Variants in LRRFIP1 observed in about 807,000 individuals in gnomAD.
LRRFIP1 encodes leucine-rich repeat flightless-interacting protein 1.
In LRRFIP1, 62 loss-of-function variants were observed where a neutral mutation model predicts 104.4. That is an observed-to-expected ratio of 0.59 (90% confidence interval 0.48 to 0.73). The LOEUF is 0.73. Ranked by LOEUF, LRRFIP1 falls within the 30% of genes least tolerant of loss-of-function variation. LRRFIP1 has a pLI of 0.00. For missense variants in LRRFIP1, 796 were observed against 824.5 expected, an observed-to-expected ratio of 0.97 and a Z score of 0.42; for synonymous variants, 300 against 299.0, an observed-to-expected ratio of 1.00 and a Z score of -0.03.
chr2:237,733,950 C>G (rs1461507696), intron 9 of LRRFIP1, 132 bp downstream of exon 9: 2 of 911,490 alleles, frequency 2.2e-6, no homozygotes, highest in Admixed American at 4.5e-5. Context: ...GTGGAGCTTA[C>G]ATGTGCCAGT....
intron 22 of LRRFIP1, 94 bp from the exon 23 acceptor site, chr2:237,774,264 T>G (rs570398312): frequency 1.7e-5 from 13 of 748,020 alleles, no homozygotes; most frequent in African/African-American, 1.6e-4. Flanking sequence ...TCTCCCATTT[T>G]ATTAAATCAC....
intron 13 of LRRFIP1, 29 bp downstream of exon 13, chr2:237,749,353 T>C (rs1401328290): frequency 6.2e-7 from 1 of 1,609,842 alleles, no homozygotes; most frequent in Admixed American, 1.7e-5. Context: ...ACTGACAACT[T>C]GAGAGAACCT....
rs994023452 is a variant in LRRFIP1, at chr2:237,685,108, T to TC, written c.97-23427dup. ...AGTGTGAGACCTTGTCTCCCTACCC[T>TC]CCCCCCCCCACACAAAAAAACCCCA... is the stretch of plus-strand genomic sequence containing the variant. On this transcript the variant is annotated intron_variant, in intron 1 of 23. Transcript: ENST00000308482. Among the ~76,000 whole-genome samples, 70 of 11,364 alleles carry TC rather than the reference T, an allele frequency of 6.2e-3. No individual in the cohort carries two copies. The East Asian group carries it at 0.065, about 11-fold the overall frequency. The allele number at this position is 11,364 out of a possible 152,430, so 7.5% of individuals were successfully genotyped here.
intron 1 of LRRFIP1, among the ~76,000 whole-genome samples, chr2:237,695,488 A>G (rs910283659): frequency 1.3e-5 from 2 of 152,246 alleles, no homozygotes; most frequent in African/African-American, 4.8e-5. Flanking sequence ...GCAATGTCCA[A>G]GAGGAACTTC....
Position 237,719,553 on chromosome 2 carries a change from A to G in LRRFIP1, c.280A>G (p.Arg94Gly), listed in dbSNP as rs139566264. The G allele has an allele frequency of 1.8e-4, 284 of 1,613,492 alleles. No homozygotes were observed. Among genetic ancestry groups the G allele is most frequent in the Non-Finnish European group, 2.2e-4 (259 of 1,179,634 alleles). Residue 94 changes from arginine (R) to glycine (G), a missense_variant, in exon 5 of 24, where the codon AGA becomes GGA. Transcript: ENST00000308482. Reference sequence around the variant, plus strand: ...CAGTGAGCGCTACTCTCGTAGATCCAGAAGAAACACATCGGTTAGTACCGT... The same window carrying G: ...CAGTGAGCGCTACTCTCGTAGATCCGGAAGAAACACATCGGTTAGTACCGT... ...EDSERYSRRS[R>G]RNTSASDEDE... is the part of the protein sequence containing the mutation.
chr2:237,695,391 G>A (rs2093109085), intron 1 of LRRFIP1, among the ~76,000 whole-genome samples: 1 of 152,210 alleles, frequency 6.6e-6, no homozygotes, highest in South Asian at 2.1e-4. Flanking sequence ...GTTGATTGGA[G>A]AGTTACCTGA....
At chr2:237,706,086 C>A (rs1318334538) in intron 1 of LRRFIP1, among the ~76,000 whole-genome samples, 1 of 152,178 alleles carries the variant, frequency 6.6e-6, no homozygotes, top group African/African-American at 2.4e-5. Flanking sequence ...TGGTGTCATC[C>A]ATTATGTCCA....
chr2:237,733,722 G>T, intron 8 of LRRFIP1, 52 bp from the exon 9 acceptor site: 3 of 1,568,630 alleles, frequency 1.9e-6, no homozygotes, highest in Non-Finnish European at 2.6e-6. Context: ...GCTGTCATTT[G>T]TTGCTGTTTT....
chr2:237,675,470 T>G (rs1399647559), intron 1 of LRRFIP1, among the ~76,000 whole-genome samples: 1 of 152,220 alleles, frequency 6.6e-6, no homozygotes, highest in East Asian at 1.9e-4. Context: ...TCCACAGGCT[T>G]CACCAGCCTG....
intron 1 of LRRFIP1, among the ~76,000 whole-genome samples, chr2:237,666,995 C>G (rs1325218630): frequency 6.6e-6 from 1 of 150,562 alleles, no homozygotes; most frequent in Non-Finnish European, 1.5e-5. Flanking sequence ...AAAGCATTTT[C>G]ACAGATAGCT....
intron 3 of LRRFIP1, 113 bp downstream of exon 3, chr2:237,714,389 C>A: frequency 2.4e-6 from 2 of 830,238 alleles, no homozygotes; most frequent in Non-Finnish European, 3.9e-6. Flanking sequence ...GAAGTTCTTA[C>A]TGTTTATTTT....
At chr2:237,736,845 C>T (rs2095264393) in intron 10 of LRRFIP1, among the ~76,000 whole-genome samples, 1 of 152,236 alleles carries the variant, frequency 6.6e-6, no homozygotes, top group Admixed American at 6.5e-5. Context: ...ACCTCCCAAC[C>T]TCTGCCATCG....
At chr2:237,640,889 C>T (rs980875278) in intron 1 of LRRFIP1, among the ~76,000 whole-genome samples, 1 of 152,160 alleles carries the variant, frequency 6.6e-6, no homozygotes, top group African/African-American at 2.4e-5. Flanking sequence ...CCTCTCTTTT[C>T]GCTTGGCCAA....
At chr2:237,774,090 A>C (rs2060885248) in intron 22 of LRRFIP1, 1 of 407,042 alleles carries the variant, frequency 2.5e-6, no homozygotes, top group South Asian at 3.0e-5. Context: ...AGAAGCAGGC[A>C]GCAAGGTGCC....
chr2:237,655,439 C>T (rs867168498), intron 1 of LRRFIP1, among the ~76,000 whole-genome samples: 4 of 145,018 alleles, frequency 2.8e-5, no homozygotes, highest in South Asian at 2.4e-4. Context: ...AAAGAATTTG[C>T]ATTTATAAAA....
intron 20 of LRRFIP1, chr2:237,770,310 TTAAC>T (rs1428764372): frequency 3.6e-5 from 10 of 280,162 alleles, no homozygotes; most frequent in Non-Finnish European, 5.5e-5. Context: ...ATATTAATGA[TTAAC>T]TGTTGAGAGA....
chr2:237,695,172 T>A (rs1286384295), intron 1 of LRRFIP1, among the ~76,000 whole-genome samples: 1 of 152,214 alleles, frequency 6.6e-6, no homozygotes, highest in African/African-American at 2.4e-5. Flanking sequence ...GTAGGTCTTT[T>A]CTAGTAGTAT....
intron 15 of LRRFIP1, among the ~76,000 whole-genome samples, chr2:237,755,448 C>T (rs1295910282): frequency 1.3e-5 from 2 of 152,206 alleles, no homozygotes; most frequent in Admixed American, 1.3e-4. Flanking sequence ...TGCAGGGCAG[C>T]CTCACCCAGG....
chr2:237,715,854 C>T (rs1375278559), intron 3 of LRRFIP1, among the ~76,000 whole-genome samples: 1 of 152,172 alleles, frequency 6.6e-6, no homozygotes, highest in Non-Finnish European at 1.5e-5. Flanking sequence ...GCTGGCTAAC[C>T]CAGGAACTAC....
Sources: allele counts gnomAD v4.1 joint callset (sites outside exome capture counted in the v4.1 genomes callset), GRCh38; gene constraint gnomAD v4.1.1; transcripts MANE v1.5; gene names NCBI Gene and HGNC (gene_info 2026-07-23, HGNC 2026-07-21).